Variants in FTO observed in about 807,000 individuals in gnomAD.
The protein encoded by FTO is FTO alpha-ketoglutarate dependent dioxygenase, also known as alpha-ketoglutarate-dependent dioxygenase FTO.
A neutral mutation model predicts 63.9 loss-of-function variants in FTO; 47 were observed. The ratio of observed to expected loss-of-function variants is 0.74; its 90% CI spans 0.58 to 0.94. The LOEUF is 0.94. Ranked by LOEUF, FTO falls within the 40% of genes least tolerant of loss-of-function variation. FTO has a pLI of 0.00. For synonymous variants in FTO, 207 were observed against 224.4 expected, an observed-to-expected ratio of 0.92 and a Z score of 0.69; for missense variants, 562 against 618.1, an observed-to-expected ratio of 0.91 and a Z score of 0.96.
At chr16:53,711,253 T>C in intron 1 of FTO, 1 of 388,940 alleles carries the variant, frequency 2.6e-6, no homozygotes, top group Non-Finnish European at 4.5e-6. Context: ...TCAAATGGGG[T>C]TCCATTAACT....
In FTO at chr16:53,852,230, C is replaced by T. The variant is rs368495404; in HGVS notation, c.895+7932C>T. 1.1e-4 allele frequency among the ~76,000 whole-genome samples: 16 copies of T among 151,096 alleles called. No homozygotes were observed. The East Asian group carries it at 2.7e-3, about 26-fold the overall frequency. ...GGTTGAGCCTAAAGGGAACTGTGAT[C>T]GCGCCACTGCACTCCAGGCTGGGTG... is the stretch of plus-strand genomic sequence containing the variant. On this transcript the variant is annotated intron_variant, in intron 4 of 8. Coordinates refer to ENST00000471389, the MANE Select transcript of FTO (RefSeq NM_001080432.3).
At chr16:53,930,528 T>C (rs9922915) in intron 7 of FTO, among the ~76,000 whole-genome samples, 3,826 of 152,254 alleles carry the variant, frequency 0.025, 165 homozygotes, top group African/African-American at 0.086. Flanking sequence ...AGGCCAATTA[T>C]CTTCTCATTT....
chr16:53,968,644 G>C (rs1346833224), intron 8 of FTO, among the ~76,000 whole-genome samples: 1 of 152,140 alleles, frequency 6.6e-6, no homozygotes, highest in African/African-American at 2.4e-5. Context: ...CACCCAGTTA[G>C]GCAGGTATAA....
intron 1 of FTO, among the ~76,000 whole-genome samples, chr16:53,739,738 T>G (rs1295798899): frequency 6.6e-6 from 1 of 152,186 alleles, no homozygotes; most frequent in African/African-American, 2.4e-5. Context: ...GTATCTTTTT[T>G]GTCTGTGTTT....
At chr16:53,913,450 A>G (rs2081767321) in intron 7 of FTO, among the ~76,000 whole-genome samples, 1 of 152,224 alleles carries the variant, frequency 6.6e-6, no homozygotes, top group Admixed American at 6.5e-5. Flanking sequence ...TGTTCCCACT[A>G]GAAATGCTGT....
At chr16:53,749,049 A>G (rs1020604219) in intron 1 of FTO, among the ~76,000 whole-genome samples, 1 of 151,474 alleles carries the variant, frequency 6.6e-6, no homozygotes, top group African/African-American at 2.4e-5. Flanking sequence ...TACAGGCATG[A>G]GCCACCGTGC....
intron 1 of FTO, among the ~76,000 whole-genome samples, chr16:53,727,513 G>A (rs2076179112): frequency 6.6e-6 from 1 of 152,186 alleles, no homozygotes; most frequent in Non-Finnish European, 1.5e-5. Flanking sequence ...AACTTAACAG[G>A]TCAGTCTTAT....
In FTO at chr16:53,848,239, C is replaced by T. The variant is rs554806441; in HGVS notation, c.895+3941C>T. Among the ~76,000 whole-genome samples, 37 of 152,164 alleles carry T rather than the reference C, an allele frequency of 2.4e-4. No individual in the cohort carries two copies. The South Asian group carries it at 2.5e-3, about 10-fold the overall frequency. ...CCCGTAGAGGGAGGGACTTCGGCCC[C>T]GTGCTGATATCTGAAATCTGAACTT... On this transcript the variant is annotated intron_variant, in intron 4 of 8. Transcript: ENST00000471389.
chr16:54,068,866 C>T (rs1357412880), intron 8 of FTO, among the ~76,000 whole-genome samples: 1 of 152,008 alleles, frequency 6.6e-6, no homozygotes, highest in Non-Finnish European at 1.5e-5. Context: ...TAACTGTTCC[C>T]TGATATTGAT....
chr16:53,811,854 C>A (rs2078535323), intron 2 of FTO, among the ~76,000 whole-genome samples: 1 of 152,064 alleles, frequency 6.6e-6, no homozygotes, highest in South Asian at 2.1e-4. Flanking sequence ...ACTCTGTCAC[C>A]CAGACTGGAA....
At chr16:53,822,817 A>C (rs1353583550) in intron 2 of FTO, among the ~76,000 whole-genome samples, 1 of 152,046 alleles carries the variant, frequency 6.6e-6, no homozygotes, top group Admixed American at 6.6e-5. Flanking sequence ...TGGCCTTACA[A>C]AGCCTTGCAT....
intron 8 of FTO, among the ~76,000 whole-genome samples, chr16:54,081,177 C>T (rs1010084512): frequency 6.6e-6 from 1 of 151,806 alleles, no homozygotes; most frequent in Non-Finnish European, 1.5e-5. Flanking sequence ...ACAAAGAAGC[C>T]AACTTGTAGA....
chr16:54,093,948 G>T (rs1443232134), intron 8 of FTO, among the ~76,000 whole-genome samples: 1 of 152,086 alleles, frequency 6.6e-6, no homozygotes, highest in Non-Finnish European at 1.5e-5. Flanking sequence ...GTGACTTTGG[G>T]TCCCTGTGGC....
rs2144346327 is a variant in FTO, at chr16:54,053,953, C to G, written c.1365-57809C>G. On this transcript the variant is annotated intron_variant, in intron 8 of 8. Transcript: ENST00000471389. Reference sequence around the variant, plus strand: ...TTCTCCTTCAGCACAAAGCCACGTGCTCCTAGGTTCTCTTTTGGCTCCTGC... The same window carrying G: ...TTCTCCTTCAGCACAAAGCCACGTGGTCCTAGGTTCTCTTTTGGCTCCTGC... Among the ~76,000 whole-genome samples the G allele has an allele frequency of 1.3e-5, 2 of 152,218 alleles. 1 individual carries two copies. Among genetic ancestry groups the G allele is most frequent in the South Asian group, 4.2e-4 (2 of 4,816 alleles).
chr16:53,757,830 C>T (rs1598585205), intron 1 of FTO, among the ~76,000 whole-genome samples: 1 of 152,226 alleles, frequency 6.6e-6, no homozygotes, highest in East Asian at 1.9e-4. Context: ...GCATATGACT[C>T]TTTGAGAAGA....
chr16:53,796,034 T>C (rs1369890230), intron 1 of FTO, among the ~76,000 whole-genome samples: 1 of 119,578 alleles, frequency 8.4e-6, no homozygotes, highest in Non-Finnish European at 1.9e-5. Context: ...TTTTGTTTTT[T>C]TTCTTTCTTT....
chr16:53,860,967 T>C (rs1038154392), intron 4 of FTO, among the ~76,000 whole-genome samples: 1 of 152,050 alleles, frequency 6.6e-6, no homozygotes, highest in Non-Finnish European at 1.5e-5. Flanking sequence ...TTAGAAGTCA[T>C]TTCACAATGT....
At chr16:53,704,063 C>G (rs1234928109), upstream of FTO, 12 of 1,064,246 alleles carry the variant, frequency 1.1e-5, no homozygotes, top group Non-Finnish European at 1.7e-5. Flanking sequence ...GTAGTTTTTT[C>G]TACTCAGAGG....
At chr16:53,808,012 A>G (rs1292771554) in intron 1 of FTO, among the ~76,000 whole-genome samples, 1 of 152,164 alleles carries the variant, frequency 6.6e-6, no homozygotes, top group African/African-American at 2.4e-5. Context: ...CTATAAAAGT[A>G]TCATAATTTA....
Sources: gnomAD v4.1 joint callset for allele counts (sites outside exome capture counted in the v4.1 genomes callset) on GRCh38, gnomAD v4.1.1 for gene constraint, MANE v1.5 for transcripts, NCBI Gene and HGNC (gene_info 2026-07-23, HGNC 2026-07-21) for gene names.